PPP1R21: variants seen among roughly 807,000 people sequenced by gnomAD.
PPP1R21 encodes protein phosphatase 1 regulatory subunit 21, also known as KLRAQ motif containing 1.
Under a neutral mutation model 112.8 loss-of-function variants are expected in PPP1R21, and 85 were observed. The ratio of observed to expected loss-of-function variants is 0.75; its 90% CI spans 0.63 to 0.90. PPP1R21 has a LOEUF of 0.90. Among genes scored for constraint, PPP1R21 ranks in the 40% least tolerant of loss-of-function variants. The pLI is 0.00. For missense variants in PPP1R21, 1,199 were observed against 901.5 expected (o/e 1.33, Z -4.23); for synonymous variants, 381 against 322.3 (o/e 1.18, Z -1.95).
At chr2:48,505,006 T>C (rs943606880) in intron 17 of PPP1R21, among the ~76,000 whole-genome samples, 1 of 152,088 alleles carries the variant, frequency 6.6e-6, no homozygotes, top group Admixed American at 6.6e-5. Flanking sequence ...AAAAAAAAAT[T>C]AGAAAGAAAA....
chr2:48,462,263 G>C (rs919704130), intron 7 of PPP1R21, among the ~76,000 whole-genome samples: 1 of 152,200 alleles, frequency 6.6e-6, no homozygotes, highest in Non-Finnish European at 1.5e-5. Context: ...TTTGCTGAGT[G>C]CCTAGACAGG....
intron 1 of PPP1R21, among the ~76,000 whole-genome samples, chr2:48,442,111 G>C (rs1424596487): frequency 6.6e-6 from 1 of 152,162 alleles, no homozygotes; most frequent in Non-Finnish European, 1.5e-5. Flanking sequence ...TGTCTTAAGA[G>C]CCTGTGGCAC....
intron 13 of PPP1R21, among the ~76,000 whole-genome samples, chr2:48,483,574 G>A (rs1434252610): frequency 6.6e-6 from 1 of 152,162 alleles, no homozygotes; most frequent in Non-Finnish European, 1.5e-5. Flanking sequence ...GAGGCATCAC[G>A]TTAACTGACT....
intron 2 of PPP1R21, 130 bp from the exon 3 acceptor site, chr2:48,454,465 C>T: frequency 5.7e-6 from 6 of 1,058,020 alleles, no homozygotes; most frequent in Non-Finnish European, 8.3e-6. Flanking sequence ...TGAAGTGATA[C>T]ACATACAACC....
In PPP1R21 at chr2:48,444,517, G is replaced by T. The variant is rs139638375; in HGVS notation, c.57+3507G>T. 4.1e-4 allele frequency among the ~76,000 whole-genome samples: 63 copies of T among 152,324 alleles called. No individual in the cohort carries two copies. The East Asian group carries it at 0.012, about 28-fold the overall frequency. ...AAAAGTGCTGAGTTCTGGCTCATTT[G>T]ATTTTAGCCTGCTTTCTTTGCGGGA... is the stretch of plus-strand genomic sequence containing the variant. On this transcript the variant is annotated intron_variant, in intron 1 of 21. Coordinates refer to ENST00000294952, the MANE Select transcript of PPP1R21 (RefSeq NM_001135629.3).
rs766167543 is a variant in PPP1R21 at position 48,471,292 on chromosome 2, A to G, written c.1013A>G (p.Lys338Arg). The G allele has an allele frequency of 6.2e-7, 1 of 1,611,616 alleles. No individual in the cohort carries two copies. Among genetic ancestry groups the G allele is most frequent in the South Asian group, 1.1e-5 (1 of 90,510 alleles). The change falls in exon 11 of 22, where the codon AAA becomes AGA. Residue 338 changes from lysine to arginine, a missense_variant. Transcript: ENST00000294952. ...TTTCTTTTCCAGGAGACAACTGTGA[A>G]ATTGAAAACTTTTTCAGAACACTTA... ...DTVTVLETTVKLKTFSEHLTS... is the reference protein window; with the variant it reads ...DTVTVLETTVRLKTFSEHLTS...
At chr2:48,487,303 T>C (rs1447383025) in intron 14 of PPP1R21, among the ~76,000 whole-genome samples, 1 of 152,224 alleles carries the variant, frequency 6.6e-6, no homozygotes, top group Non-Finnish European at 1.5e-5. Context: ...TCTTTTTTGG[T>C]AATACTTGTG....
At chr2:48,512,618 T>G (rs1461255468) in intron 21 of PPP1R21, among the ~76,000 whole-genome samples, 1 of 152,236 alleles carries the variant, frequency 6.6e-6, no homozygotes, top group Non-Finnish European at 1.5e-5. Context: ...ATACGTCATG[T>G]TAATGCATTG....
chr2:48,510,244 T>C, intron 20 of PPP1R21, 131 bp downstream of exon 20: 1 of 572,450 alleles, frequency 1.7e-6, no homozygotes, highest in East Asian at 2.9e-5. Flanking sequence ...GTATTTCTGA[T>C]TCATTTAAAA....
At chr2:48,449,347 C>T (rs1237903423) in intron 1 of PPP1R21, among the ~76,000 whole-genome samples, 1 of 152,118 alleles carries the variant, frequency 6.6e-6, no homozygotes, top group Non-Finnish European at 1.5e-5. Context: ...TTTACCCATT[C>T]TATAGACCAT....
chr2:48,445,134 G>GA (rs1572822383), intron 1 of PPP1R21, among the ~76,000 whole-genome samples: 2 of 131,814 alleles, frequency 1.5e-5, no homozygotes, highest in African/African-American at 5.6e-5. Flanking sequence ...TTGAATATGA[G>GA]CTTTTTTTTT....
At chr2:48,469,032 G>T (rs913693075) in intron 9 of PPP1R21, among the ~76,000 whole-genome samples, 12 of 151,746 alleles carry the variant, frequency 7.9e-5, no homozygotes, top group African/African-American at 1.5e-4. Flanking sequence ...CTTTTTACAT[G>T]GCAGCGGCAA....
chr2:48,508,954 T>C (rs1670510341), intron 19 of PPP1R21, among the ~76,000 whole-genome samples: 3 of 152,194 alleles, frequency 2.0e-5, no homozygotes, highest in Admixed American at 1.3e-4. Context: ...ACCTCCCCCC[T>C]CCCACATGAC....
chr2:48,483,264 C>T (rs528864775), intron 13 of PPP1R21, among the ~76,000 whole-genome samples: 1 of 138,636 alleles, frequency 7.2e-6, no homozygotes, highest in Non-Finnish European at 1.5e-5. Flanking sequence ...GCAGTGCAAC[C>T]TTTCCCTCCC....
intron 9 of PPP1R21, among the ~76,000 whole-genome samples, chr2:48,467,968 G>A (rs1252740419): frequency 6.6e-6 from 1 of 152,168 alleles, no homozygotes; most frequent in Non-Finnish European, 1.5e-5. Flanking sequence ...TGCTTCTTCT[G>A]TGCATCATGC....
At chr2:48,463,359 AGG>A (rs943923575) in intron 7 of PPP1R21, among the ~76,000 whole-genome samples, 39 of 152,260 alleles carry the variant, frequency 2.6e-4, no homozygotes, top group African/African-American at 8.2e-4. Flanking sequence ...GAGAGGTCAG[AGG>A]GTGATGTATC....
In PPP1R21 at chr2:48,474,936, A is replaced by G. The variant is rs933905529; in HGVS notation, c.1225+117A>G. 10 of 860,108 alleles carry G rather than the reference A, an allele frequency of 1.2e-5. No homozygotes were observed. The African/African-American group carries it at 1.6e-4, about 13-fold the overall frequency. The allele number at this position is 860,108 out of a possible 1,614,324, so 53.3% of individuals were successfully genotyped here. Reference sequence around the variant, plus strand: ...GGAGCATAGGATCTGGCATCAGGAAAACTTGAATTCAAATTCTCTAGCCCC... The same window carrying G: ...GGAGCATAGGATCTGGCATCAGGAAGACTTGAATTCAAATTCTCTAGCCCC... On this transcript the variant is annotated intron_variant, in intron 12 of 21. Coordinates refer to ENST00000294952, the MANE Select transcript of PPP1R21 (RefSeq NM_001135629.3).
chr2:48,452,974 G>C lies in PPP1R21; in HGVS notation c.127-1621G>C, dbSNP rs927140560. Among the ~76,000 whole-genome samples the C allele has an allele frequency of 4.3e-5, 6 of 138,692 alleles. No individual in the cohort carries two copies. The East Asian group carries it at 1.0e-3, about 24-fold the overall frequency. 91.0% of individuals were successfully genotyped at this position (138,692 alleles called of 152,430 possible). On this transcript the variant is annotated intron_variant, in intron 2 of 21. Transcript: ENST00000294952. ...TGTTCCTTTTTTTTTTTTTTTTTGA[G>C]ACAGAGTCTTACTCTGTCACCCAGG...
At chr2:48,469,762 C>G (rs1250337820) in intron 9 of PPP1R21, among the ~76,000 whole-genome samples, 1 of 151,476 alleles carries the variant, frequency 6.6e-6, no homozygotes, top group African/African-American at 2.4e-5. Context: ...ATTACTTTAC[C>G]TTTGGTGCTT....
Sources: gnomAD v4.1 joint callset for allele counts (sites outside exome capture counted in the v4.1 genomes callset) on GRCh38, gnomAD v4.1.1 for gene constraint, MANE v1.5 for transcripts, NCBI Gene and HGNC (gene_info 2026-07-23, HGNC 2026-07-21) for gene names.